The following FNIP2 variants were observed in gnomAD, a reference collection of about 807,000 sequenced individuals.
FNIP2 encodes folliculin interacting protein 2, also known as folliculin-interacting protein 2.
In FNIP2, 32 loss-of-function variants were observed where a neutral mutation model predicts 108.7. The observed-to-expected ratio is 0.29, with a 90% CI of 0.22 to 0.40. FNIP2 has a LOEUF of 0.40. FNIP2 is among the 10% of genes least tolerant of loss of function. The pLI is 1.00. For missense variants in FNIP2, 1,202 were observed against 1,381.6 expected (o/e 0.87, Z 2.06); for synonymous variants, 480 against 496.7 (o/e 0.97, Z 0.45).
chr4:158,849,228 C>G (rs1343596134), intron 7 of FNIP2, among the ~76,000 whole-genome samples: 1 of 152,082 alleles, frequency 6.6e-6, no homozygotes, highest in Non-Finnish European at 1.5e-5. Flanking sequence ...AAAAGGGGAT[C>G]TAGTTTCTGT....
intron 1 of FNIP2, among the ~76,000 whole-genome samples, chr4:158,800,993 T>G (rs1356014414): frequency 6.6e-6 from 1 of 152,218 alleles, no homozygotes; most frequent in Non-Finnish European, 1.5e-5. Context: ...TTCCTGAATT[T>G]CCATGTAACT....
rs1466705495 is a variant in FNIP2 at position 158,889,973 on chromosome 4, G to A, written c.2950-1473G>A. ...TTTTGGAGACTGTATATATGCATGT[G>A]TAAGAAGCGTAGGGGTGAAAGGGTC... On this transcript the variant is annotated intron_variant, in intron 14 of 16. Coordinates refer to ENST00000264433, the MANE Select transcript of FNIP2 (RefSeq NM_020840.3). 9.1e-6 allele frequency: 9 copies of A among 985,260 alleles called. No individual in the cohort carries two copies. In the African/African-American group the frequency reaches 1.6e-4, roughly 17 times the overall value. 61.0% of individuals were successfully genotyped at this position (985,260 alleles called of 1,614,324 possible). A position where few individuals can be genotyped will look rare whatever the true frequency, so the allele number is the denominator to read the frequency against.
chr4:158,887,169 A>G (rs1008898197), intron 14 of FNIP2, among the ~76,000 whole-genome samples: 5 of 152,166 alleles, frequency 3.3e-5, no homozygotes, highest in Non-Finnish European at 7.3e-5. Flanking sequence ...TAGGCTTTTC[A>G]TAGGTGTTTA....
chr4:158,798,711 G>A (rs1427494656), intron 1 of FNIP2, among the ~76,000 whole-genome samples: 1 of 152,134 alleles, frequency 6.6e-6, no homozygotes, highest in South Asian at 2.1e-4. Context: ...TTCTACAAAA[G>A]CAATGAAATG....
chr4:158,778,152 C>T (rs959561936), intron 1 of FNIP2, among the ~76,000 whole-genome samples: 5 of 152,242 alleles, frequency 3.3e-5, no homozygotes, highest in Non-Finnish European at 7.3e-5. Flanking sequence ...CAGACTGCTT[C>T]TCAGAGATCT....
At chr4:158,871,527 GA>G in intron 14 of FNIP2, 1 of 985,180 alleles carries the variant, frequency 1.0e-6, no homozygotes. Context: ...TGTGAAGTGG[GA>G]AAAAAACTCA....
rs1782274245 is a variant in FNIP2, at chr4:158,891,472, T to C, written c.2976T>C (p.Ala992=). 3.7e-6 allele frequency: 6 copies of C among 1,604,758 alleles called. No homozygotes were observed. Among genetic ancestry groups the C allele is most frequent in the Non-Finnish European group, 5.1e-6 (6 of 1,175,306 alleles). ...VHHPVLDEPI[A]EAVCIIADTD... ...ATCCAGTCCTGGATGAGCCAATAGC[T>C]GAAGCTGTCTGTATTATCGCAGACA... Residue 992 remains alanine, a synonymous_variant, in exon 15 of 17, where the codon GCT becomes GCC. Transcript: ENST00000264433.
rs2347074 is a variant in FNIP2 at position 158,820,391 on chromosome 4, G to A, written c.108-5525G>A. On this transcript the variant is annotated intron_variant, in intron 1 of 16. Coordinates refer to ENST00000264433, the MANE Select transcript of FNIP2 (RefSeq NM_020840.3). ...CTCAAAGGATATAGCAAATCACCCT[G>A]CAACATGTTATACAACTACTGCTCT... is the stretch of plus-strand genomic sequence containing the variant. Among the ~76,000 whole-genome samples, 182 of 152,262 alleles carry A rather than the reference G, an allele frequency of 1.2e-3. 1 individual carries two copies. The Middle Eastern group carries it at 0.027, about 23-fold the overall frequency.
intron 14 of FNIP2, chr4:158,890,444 G>A (rs1374791281): frequency 3.9e-6 from 3 of 770,514 alleles, no homozygotes; most frequent in Non-Finnish European, 4.7e-6. Context: ...GGAATACAAA[G>A]CTGCACAGGA....
intron 1 of FNIP2, among the ~76,000 whole-genome samples, chr4:158,779,832 C>A (rs2126418103): frequency 6.6e-6 from 1 of 151,778 alleles, no homozygotes; most frequent in South Asian, 2.1e-4. Context: ...ATTCCCCCAC[C>A]CTGAGCCTCC....
Position 158,825,939 on chromosome 4 carries a change from T to C in FNIP2, c.131T>C (p.Leu44Pro). The C allele has an allele frequency of 6.2e-7, 1 of 1,607,874 alleles. No individual in the cohort carries two copies. The highest frequency in any genetic ancestry group is 8.5e-7 in the Non-Finnish European group (1 of 1,174,952). Residue 44 changes from leucine (L) to proline (P), a missense_variant, in exon 2 of 17, where the codon CTG (leucine) becomes CCG (proline). This residue lies in a region of FNIP2 where 173 missense variants were observed against 165.9 expected (regional missense o/e 1.04). Transcript: ENST00000264433. ...AGTTGGTCATGTTCGGAGTTTGACC[T>C]GAATGAGATTCGCCTGATAGTTTAC... ...AFSWSCSEFD[L>P]NEIRLIVYQD...
chr4:158,828,985 C>CA, intron 2 of FNIP2, 94 bp from the exon 3 acceptor site: 1 of 1,051,346 alleles, frequency 9.5e-7, no homozygotes, highest in African/African-American at 1.6e-5. Context: ...ACCTAGGCAC[C>CA]AGAATGCTTT....
Position 158,826,013 on chromosome 4 carries a change from G to A in FNIP2, c.205G>A (p.Val69Ile). 6.2e-7 allele frequency: 1 copy of A among 1,608,284 alleles called. No individual in the cohort carries two copies. Among genetic ancestry groups the A allele is most frequent in the Non-Finnish European group, 8.5e-7 (1 of 1,175,234 alleles). ...ACAAGTCTTGTTTGACTCTAAAGCT[G>A]TTCAAAAGATTGAGGAGGTGACAGC... ...GRQVLFDSKAVQKIEEVTAQK... is the reference protein window; with the variant it reads ...GRQVLFDSKAIQKIEEVTAQK... The change falls in exon 2 of 17, where the codon GTT becomes ATT. Residue 69 changes from valine (V) to isoleucine (I), a missense_variant. By Grantham distance (29) the Val-to-Ile change is conservative. Coordinates refer to ENST00000264433, the MANE Select transcript of FNIP2 (RefSeq NM_020840.3).
In FNIP2 at chr4:158,868,289, C is replaced by A. The variant is rs62001914; in HGVS notation, c.1653C>A (p.Ser551Arg). ...HGEGDQVLNG[S>R]KIITALEKGE... ...AAGGTGACCAAGTTTTAAATGGGAGCAAGATCATAACAGCCTTGGAGAAAG... is the reference window on the plus strand; with the variant it reads ...AAGGTGACCAAGTTTTAAATGGGAGAAAGATCATAACAGCCTTGGAGAAAG... Residue 551 changes from serine to arginine, a missense_variant, in exon 13 of 17, where the codon AGC becomes AGA. Ser to Arg is a moderately radical substitution (Grantham distance 110). Transcript: ENST00000264433. The surrounding 1 kb of genome is among the most constrained non-coding windows in gnomAD (Gnocchi z 4.6). The A allele has an allele frequency of 0.026, 41,813 of 1,614,034 alleles. 662 individuals are homozygous for A. Among genetic ancestry groups the A allele is most frequent in the Non-Finnish European group, 0.03 (35,877 of 1,179,894 alleles).
intron 1 of FNIP2, among the ~76,000 whole-genome samples, chr4:158,804,087 AC>A (rs1776853835): frequency 6.6e-6 from 1 of 152,012 alleles, no homozygotes; most frequent in Non-Finnish European, 1.5e-5. Flanking sequence ...ATAGGCATCC[AC>A]CACCACACCT....
At chr4:158,897,094 T>C (rs1452224340) in intron 16 of FNIP2, among the ~76,000 whole-genome samples, 1 of 152,044 alleles carries the variant, frequency 6.6e-6, no homozygotes, top group Non-Finnish European at 1.5e-5. Flanking sequence ...CATGCGGTGT[T>C]TGGTTTTCTG....
chr4:158,904,014 G>A lies in FNIP2; in HGVS notation c.3267-452G>A, dbSNP rs538064436. The stretch of plus-strand genomic sequence containing the variant: ...TATAAACTTTGAACAAATTCCCAAT[G>A]TTTTTTAAGAAATTGCTACCATCAT... On this transcript the variant is annotated intron_variant, in intron 16 of 16. Transcript: ENST00000264433. 4.0e-4 allele frequency among the ~76,000 whole-genome samples: 61 copies of A among 152,258 alleles called. 1 individual carries two copies. Among genetic ancestry groups the A allele is most frequent in the Admixed American group, 2.2e-3 (33 of 15,292 alleles).
intron 3 of FNIP2, 70 bp from the exon 4 acceptor site, chr4:158,831,791 A>G: frequency 1.0e-6 from 1 of 977,380 alleles, no homozygotes; most frequent in Non-Finnish European, 1.6e-6. Flanking sequence ...GAGATTAATA[A>G]ACATTATTTT....
chr4:158,882,483 C>G (rs1781731149), intron 14 of FNIP2, among the ~76,000 whole-genome samples: 1 of 152,350 alleles, frequency 6.6e-6, no homozygotes, highest in East Asian at 1.9e-4. Context: ...TGGCCGCCAC[C>G]CCGTCTGGGA....
Sources: gnomAD v4.1 joint callset for allele counts (sites outside exome capture counted in the v4.1 genomes callset) on GRCh38, gnomAD v4.1.1 for gene constraint, gnomAD v4.1.1 regional missense constraint, Gnocchi (gnomAD v3.1) non-coding constraint, MANE v1.5 for transcripts, NCBI Gene and HGNC (gene_info 2026-07-23, HGNC 2026-07-21) for gene names.